Variants in MAP2 observed in about 807,000 individuals in gnomAD.
MAP2 encodes the protein microtubule-associated protein 2.
In MAP2, 14 loss-of-function variants were observed where a neutral mutation model predicts 137.6. The ratio of observed to expected loss-of-function variants is 0.10; its 90% CI spans 0.07 to 0.16. The LOEUF (loss-of-function observed/expected upper bound fraction) is 0.16. Among genes scored for constraint, MAP2 ranks in the 10% least tolerant of loss-of-function variants. The pLI, the probability that MAP2 is intolerant of heterozygous loss-of-function variation, is 1.00. For missense variants in MAP2, 2,088 were observed against 2,191.5 expected, an observed-to-expected ratio of 0.95 and a Z score of 0.94; for synonymous variants, 786 against 782.3, an observed-to-expected ratio of 1.00 and a Z score of -0.08.
intron 4 of MAP2, among the ~76,000 whole-genome samples, chr2:209,642,442 A>G (rs2094112567): frequency 6.6e-6 from 1 of 151,568 alleles, no homozygotes; most frequent in Non-Finnish European, 1.5e-5. Flanking sequence ...AAAAAAAAAA[A>G]GAAAGAAAAA....
In MAP2 at chr2:209,653,252, C is replaced by A; in HGVS notation, c.82C>A (p.Pro28Thr). The A allele has an allele frequency of 6.2e-7, 1 of 1,614,120 alleles. No individual in the cohort carries two copies. Reference sequence around the variant, plus strand: ...AACAGAGGCATCTGCACACTCACATCCACCTGAGATTAAGGATCAAGGCGG... The same window carrying A: ...AACAGAGGCATCTGCACACTCACATACACCTGAGATTAAGGATCAAGGCGG... ...PLTEASAHSH[P>T]PEIKDQGGAG... Residue 28 changes from proline to threonine, a missense_variant, in exon 5 of 16, where the codon CCA becomes ACA. This residue lies in a region of MAP2 where 859 missense variants were observed against 794.5 expected (regional missense o/e 1.08). Transcript: ENST00000682079.
At chr2:209,481,267 T>C (rs1347598655) in intron 1 of MAP2, among the ~76,000 whole-genome samples, 1 of 152,170 alleles carries the variant, frequency 6.6e-6, no homozygotes, top group Non-Finnish European at 1.5e-5. Flanking sequence ...AACAGAAGAA[T>C]GCTTTTCAGC....
At chr2:209,724,588 A>G (rs1013489032) in intron 13 of MAP2, among the ~76,000 whole-genome samples, 1 of 148,134 alleles carries the variant, frequency 6.8e-6, no homozygotes, top group Non-Finnish European at 1.5e-5. Flanking sequence ...CAGTGAAGAG[A>G]GAGAGAGAGA....
chr2:209,655,908 G>T (rs16843399), intron 5 of MAP2, among the ~76,000 whole-genome samples: 5,034 of 152,072 alleles, frequency 0.033, 268 homozygotes, highest in African/African-American at 0.11. Context: ...TCTACTTTCC[G>T]TTTTTGCTAT....
In MAP2 at chr2:209,693,110, C is replaced by A; in HGVS notation, c.940C>A (p.Pro314Thr). Residue 314 changes from proline to threonine, a missense_variant, in exon 8 of 16, where the codon CCA becomes ACA. Coordinates refer to ENST00000682079, the MANE Select transcript of MAP2 (RefSeq NM_001375505.1). ...AGGGAAACAGTTTGATTCTCCCATG[C>A]CAAGTCCCTTTCAAGGGGGAAGCTT... ...WEGKQFDSPMPSPFQGGSFTL... is the reference protein window; with the variant it reads ...WEGKQFDSPMTSPFQGGSFTL... The A allele has an allele frequency of 1.9e-6, 3 of 1,612,802 alleles. No individual in the cohort carries two copies. The highest frequency in any genetic ancestry group is 2.5e-6 in the Non-Finnish European group (3 of 1,179,588).
At chr2:209,435,997 C>A (rs11272042) in intron 1 of MAP2, among the ~76,000 whole-genome samples, 3 of 78,412 alleles carry the variant, frequency 3.8e-5, no homozygotes, top group Non-Finnish European at 6.7e-5. Flanking sequence ...ATATTATATA[C>A]TATATATACA....
At position 209,689,385 on chromosome 2, in the gene MAP2, G is replaced by A. The variant is rs150181362; in HGVS notation, c.455-3240G>A. 1.9e-3 allele frequency among the ~76,000 whole-genome samples: 285 copies of A among 151,882 alleles called. 2 individuals carry two copies. Among genetic ancestry groups the A allele is most frequent in the African/African-American group, 6.6e-3 (274 of 41,460 alleles). ...AAGAAAATTCCTTTTCTTTTTATCT[G>A]TAGTCTTTCCCTCAGGGCCGTTTAA... On this transcript the variant is annotated intron_variant, in intron 7 of 15. Coordinates refer to ENST00000682079, the MANE Select transcript of MAP2 (RefSeq NM_001375505.1).
chr2:209,692,567 C>G (rs571068335), intron 7 of MAP2, 58 bp from the exon 8 acceptor site: 5 of 1,497,922 alleles, frequency 3.3e-6, no homozygotes, highest in African/African-American at 1.4e-5. Flanking sequence ...TAATTTTAAG[C>G]TTATTTCCTG....
At chr2:209,576,956 A>T (rs1173344636) in intron 2 of MAP2, among the ~76,000 whole-genome samples, 1 of 152,226 alleles carries the variant, frequency 6.6e-6, no homozygotes, top group Admixed American at 6.5e-5. Context: ...CTAAATATTA[A>T]ATGACCTCCA....
chr2:209,618,020 C>A (rs1260366909), intron 3 of MAP2, among the ~76,000 whole-genome samples: 1 of 151,918 alleles, frequency 6.6e-6, no homozygotes. Context: ...GAATTTCTTA[C>A]AATTTCATGA....
intron 5 of MAP2, among the ~76,000 whole-genome samples, chr2:209,654,609 G>A (rs1054847743): frequency 5.3e-5 from 8 of 152,238 alleles, no homozygotes; most frequent in African/African-American, 1.9e-4. Flanking sequence ...TAGCACTCTT[G>A]ATCAAGTAAT....
chr2:209,696,386 A>C, intron 8 of MAP2, 36 bp downstream of exon 8: 1 of 1,522,284 alleles, frequency 6.6e-7, no homozygotes, highest in Middle Eastern at 1.8e-4. Flanking sequence ...TAACTCAAAC[A>C]CAATAACCTT....
chr2:209,531,023 T>C (rs2065034909), intron 2 of MAP2, among the ~76,000 whole-genome samples: 1 of 152,192 alleles, frequency 6.6e-6, no homozygotes, highest in Non-Finnish European at 1.5e-5. Flanking sequence ...AAGTCCACTA[T>C]TTTCGCCAAT....
At chr2:209,580,334 T>G (rs1371283364) in intron 3 of MAP2, among the ~76,000 whole-genome samples, 2 of 152,188 alleles carry the variant, frequency 1.3e-5, no homozygotes, top group African/African-American at 4.8e-5. Flanking sequence ...TTAACAAATA[T>G]CAACATGTTT....
intron 2 of MAP2, among the ~76,000 whole-genome samples, chr2:209,542,286 C>T (rs1341134167): frequency 6.6e-6 from 1 of 152,222 alleles, no homozygotes; most frequent in Non-Finnish European, 1.5e-5. Flanking sequence ...GTAAACAATC[C>T]TGTAAACAGA....
chr2:209,562,726 A>G (rs2072456174), intron 2 of MAP2, among the ~76,000 whole-genome samples: 1 of 152,070 alleles, frequency 6.6e-6, no homozygotes. Flanking sequence ...TGCAAACAGC[A>G]TCCCAGTGAA....
At chr2:209,508,298 A>G (rs1385593423) in intron 2 of MAP2, among the ~76,000 whole-genome samples, 1 of 151,278 alleles carries the variant, frequency 6.6e-6, no homozygotes, top group Non-Finnish European at 1.5e-5. Flanking sequence ...AACACTAAAC[A>G]CTGAATGAAA....
At chr2:209,659,913 G>A (rs1220993701) in intron 5 of MAP2, among the ~76,000 whole-genome samples, 2 of 151,896 alleles carry the variant, frequency 1.3e-5, no homozygotes, top group South Asian at 4.1e-4. Context: ...TGGCGGGCGC[G>A]TGTAGTCCCA....
At chr2:209,564,174 T>G (rs1267129131) in intron 2 of MAP2, among the ~76,000 whole-genome samples, 2 of 152,180 alleles carry the variant, frequency 1.3e-5, no homozygotes, top group East Asian at 3.9e-4. Context: ...GAAGGGAAAT[T>G]CAGTTGCTTC....
Sources: gnomAD v4.1 joint callset for allele counts (sites outside exome capture counted in the v4.1 genomes callset) on GRCh38, gnomAD v4.1.1 for gene constraint, gnomAD v4.1.1 regional missense constraint, MANE v1.5 for transcripts, NCBI Gene and HGNC (gene_info 2026-07-23, HGNC 2026-07-21) for gene names.